The following CUX1 variants were observed in gnomAD, a reference collection of about 807,000 sequenced individuals.
CUX1 encodes protein CASP.
CUX1 carries 31 observed loss-of-function variants against 158.8 expected under a neutral mutation model. The observed-to-expected ratio is 0.20, with a 90% confidence interval of 0.15 to 0.26. The LOEUF (loss-of-function observed/expected upper bound fraction) is 0.26. Ranked by LOEUF, CUX1 falls within the 10% of genes least tolerant of loss-of-function variation. The pLI, the probability that CUX1 is intolerant of heterozygous loss-of-function variation, is 1.00. For synonymous variants in CUX1, 879 were observed against 862.1 expected (o/e 1.02, Z -0.34); for missense variants, 1,589 against 2,014.6 (o/e 0.79, Z 4.04).
At chr7:101,858,661 CTTTTTTTTTTT>C (rs760652607) in intron 1 of CUX1, among the ~76,000 whole-genome samples, 1 of 103,318 alleles carries the variant, frequency 9.7e-6, no homozygotes. Context: ...ATGCGAATGC[CTTTTTTTTTTT>C]TTTTTTTTTT....
At position 102,249,372 on chromosome 7, in the gene CUX1, G is replaced by T. The variant is rs1554538885; in HGVS notation, c.*330G>T. On this transcript the variant is annotated 3_prime_UTR_variant, in exon 24 of 24. Transcript: ENST00000292535. ...GCCCTGCGGGCCACAGGGCAAAATC[G>T]CCATAGGCCAAGGTGCATATAGAAA... 2.0e-6 allele frequency: 2 copies of T among 997,372 alleles called. No homozygotes were observed. Among genetic ancestry groups the T allele is most frequent in the East Asian group, 2.1e-4 (2 of 9,616 alleles). The allele number at this position is 997,372 out of a possible 1,614,324, so 61.8% of individuals were successfully genotyped here.
intron 1 of CUX1, among the ~76,000 whole-genome samples, chr7:101,880,018 T>C (rs1224693794): frequency 1.3e-5 from 2 of 152,100 alleles, no homozygotes; most frequent in Non-Finnish European, 2.9e-5. Flanking sequence ...AGGAGGCGTT[T>C]TTGGATCGCA....
intron 1 of CUX1, among the ~76,000 whole-genome samples, chr7:101,832,667 C>T (rs367765048): frequency 9.9e-5 from 15 of 152,166 alleles, no homozygotes; most frequent in African/African-American, 3.6e-4. Flanking sequence ...GAAATAAACC[C>T]GAACCTTTCA....
chr7:101,979,934 G>A (rs987920932), intron 2 of CUX1, among the ~76,000 whole-genome samples: 7 of 152,212 alleles, frequency 4.6e-5, no homozygotes, highest in South Asian at 2.1e-4. Context: ...GATTACAGGC[G>A]TGAGCCACCG....
chr7:102,087,938 G>A (rs1828119046), intron 4 of CUX1, among the ~76,000 whole-genome samples: 1 of 151,632 alleles, frequency 6.6e-6, no homozygotes, highest in South Asian at 2.1e-4. Context: ...TATGATATAG[G>A]CACACTGGCA....
chr7:102,102,349 A>C (rs1296491724), intron 5 of CUX1, among the ~76,000 whole-genome samples: 2 of 145,694 alleles, frequency 1.4e-5, no homozygotes, highest in Admixed American at 1.4e-4. Flanking sequence ...GCTTGAACCC[A>C]GGAAGCAGAG....
intron 1 of CUX1, among the ~76,000 whole-genome samples, chr7:101,841,001 T>C (rs1272130249): frequency 2.0e-5 from 3 of 151,854 alleles, no homozygotes; most frequent in Non-Finnish European, 4.4e-5. Context: ...TCACACCATT[T>C]TCCTGCCTTA....
At chr7:102,034,675 C>A (rs1250919315) in intron 3 of CUX1, among the ~76,000 whole-genome samples, 2 of 150,048 alleles carry the variant, frequency 1.3e-5, no homozygotes, top group Non-Finnish European at 2.9e-5. Flanking sequence ...ATCACTTGAA[C>A]CAGTGAGTCA....
chr7:102,234,772 A>T, intron 22 of CUX1, among the ~76,000 whole-genome samples: 1 of 151,874 alleles, frequency 6.6e-6, no homozygotes, highest in Non-Finnish European at 1.5e-5. Context: ...AAAAAAAAAA[A>T]AAAAAAATAT....
upstream of CUX1, chr7:101,817,552 G>T: frequency 7.7e-7 from 1 of 1,298,156 alleles, no homozygotes; most frequent in Non-Finnish European, 9.8e-7. This position sits in a 1 kb window ranked among gnomAD's most constrained non-coding sequence, Gnocchi z 4.1. Context: ...CCCCCCGCCC[G>T]GAGGAGCGGC....
At chr7:101,917,576 C>T (rs1406200585) in intron 2 of CUX1, among the ~76,000 whole-genome samples, 3 of 152,134 alleles carry the variant, frequency 2.0e-5, no homozygotes, top group African/African-American at 7.2e-5. Context: ...CCATGTCAGC[C>T]TTGCCATGAG....
At chr7:102,075,307 C>G (rs1453102289) in intron 4 of CUX1, among the ~76,000 whole-genome samples, 1 of 152,214 alleles carries the variant, frequency 6.6e-6, no homozygotes. Flanking sequence ...CAGACTCTTC[C>G]TGGCTAATCG....
chr7:102,026,279 C>T (rs1460051948), intron 2 of CUX1, among the ~76,000 whole-genome samples: 2 of 152,128 alleles, frequency 1.3e-5, no homozygotes, highest in Non-Finnish European at 2.9e-5. Flanking sequence ...CCACCAGCAA[C>T]GGGTGGCTAC....
chr7:102,059,931 A>G (rs1047894648), intron 3 of CUX1, among the ~76,000 whole-genome samples: 1 of 152,116 alleles, frequency 6.6e-6, no homozygotes, highest in Non-Finnish European at 1.5e-5. Flanking sequence ...CTCCCAGGGC[A>G]TAGAGGCTAG....
At chr7:101,867,741 A>C (rs1302828288) in intron 1 of CUX1, among the ~76,000 whole-genome samples, 1 of 152,224 alleles carries the variant, frequency 6.6e-6, no homozygotes, top group African/African-American at 2.4e-5. Context: ...AGCATATGGA[A>C]GCAAAACACC....
At chr7:102,246,793 C>T (rs1800859438) in intron 23 of CUX1, among the ~76,000 whole-genome samples, 1 of 152,208 alleles carries the variant, frequency 6.6e-6, no homozygotes, top group South Asian at 2.1e-4. Flanking sequence ...TGGTCTCGAA[C>T]GCCGGGCCTC....
intron 23 of CUX1, among the ~76,000 whole-genome samples, chr7:102,247,996 T>C (rs1800998390): frequency 6.6e-6 from 1 of 152,018 alleles, no homozygotes; most frequent in South Asian, 2.1e-4. Context: ...CTGGATGTGG[T>C]AGTGGGTGAC....
intron 1 of CUX1, among the ~76,000 whole-genome samples, chr7:101,845,845 C>T (rs1344580813): frequency 6.6e-6 from 1 of 152,016 alleles, no homozygotes; most frequent in Non-Finnish European, 1.5e-5. Context: ...CCCATCTCTA[C>T]TAAAAATACA....
At chr7:102,178,739 C>A in intron 11 of CUX1, 82 bp downstream of exon 11, 1 of 1,411,230 alleles carries the variant, frequency 7.1e-7, no homozygotes, top group Non-Finnish European at 9.6e-7. Flanking sequence ...CACCCTCTGC[C>A]TTTCTGGACT....
Sources: gnomAD v4.1 joint callset for allele counts (sites outside exome capture counted in the v4.1 genomes callset) on GRCh38, gnomAD v4.1.1 for gene constraint, Gnocchi (gnomAD v3.1) non-coding constraint, MANE v1.5 for transcripts, NCBI Gene and HGNC (gene_info 2026-07-23, HGNC 2026-07-21) for gene names.